The following RIT2 variants were observed in gnomAD, a reference collection of about 807,000 sequenced individuals.
RIT2 encodes the protein GTP-binding protein Rit2.
Under a neutral mutation model 23.7 loss-of-function variants are expected in RIT2, and 24 were observed. The ratio of observed to expected loss-of-function variants is 1.01; its 90% CI spans 0.73 to 1.43. The LOEUF is 1.43. Ranked by LOEUF, RIT2 falls within the 40% of genes most tolerant of loss-of-function variation. The probability of loss-of-function intolerance (pLI) is 0.00; values close to 1 mark genes in which losing one functional copy is unlikely to be tolerated. For synonymous variants in RIT2, 107 were observed against 91.1 expected (o/e 1.17, Z -0.99); for missense variants, 236 against 266.9 (o/e 0.88, Z 0.81).
intron 1 of RIT2, among the ~76,000 whole-genome samples, chr18:43,046,294 A>T (rs1168690075): frequency 6.6e-6 from 1 of 152,248 alleles, no homozygotes; most frequent in Admixed American, 6.5e-5. Context: ...ACAACATAAA[A>T]TTTGAAGGAT....
intron 2 of RIT2, among the ~76,000 whole-genome samples, chr18:42,987,582 T>G (rs1357208267): frequency 6.6e-6 from 1 of 152,228 alleles, no homozygotes; most frequent in African/African-American, 2.4e-5. Context: ...GAGTTACACA[T>G]GTGTGGGAAA....
chr18:42,790,082 A>G (rs1421769011), intron 4 of RIT2, among the ~76,000 whole-genome samples: 1 of 152,204 alleles, frequency 6.6e-6, no homozygotes, highest in Admixed American at 6.5e-5. Context: ...TGAGATGATC[A>G]TATCATTTTT....
chr18:42,810,049 TTA>T (rs1171427667), intron 4 of RIT2, among the ~76,000 whole-genome samples: 7 of 146,998 alleles, frequency 4.8e-5, no homozygotes, highest in Non-Finnish European at 9.0e-5. Flanking sequence ...GTTACATATG[TTA>T]TATATGTTAT....
intron 4 of RIT2, among the ~76,000 whole-genome samples, chr18:42,846,925 T>C (rs1295876588): frequency 1.3e-5 from 2 of 152,122 alleles, no homozygotes; most frequent in African/African-American, 4.8e-5. Flanking sequence ...TTAGAACACT[T>C]GGTATCTTGA....
At chr18:42,872,551 T>A (rs1023567133) in intron 4 of RIT2, among the ~76,000 whole-genome samples, 5 of 152,206 alleles carry the variant, frequency 3.3e-5, no homozygotes, top group African/African-American at 1.2e-4. Flanking sequence ...CAATCTGGTG[T>A]CTCAAAAGTC....
At chr18:42,923,479 A>G in intron 4 of RIT2, 93 bp downstream of exon 4, 1 of 1,041,480 alleles carries the variant, frequency 9.6e-7, no homozygotes, top group Admixed American at 2.3e-5. Context: ...TCTTTCTCAT[A>G]ATTTTCAGTG....
intron 4 of RIT2, among the ~76,000 whole-genome samples, chr18:42,870,580 A>G (rs1034716566): frequency 6.6e-6 from 1 of 152,158 alleles, no homozygotes; most frequent in South Asian, 2.1e-4. Context: ...CAACATTCTC[A>G]AAAGGTATGA....
intron 4 of RIT2, among the ~76,000 whole-genome samples, chr18:42,813,892 G>A (rs1905920367): frequency 6.6e-6 from 1 of 152,214 alleles, no homozygotes; most frequent in Non-Finnish European, 1.5e-5. Flanking sequence ...ACAATACTGT[G>A]AGTGCCCAAA....
chr18:42,874,610 T>C (rs1598694213), intron 4 of RIT2, among the ~76,000 whole-genome samples: 1 of 152,262 alleles, frequency 6.6e-6, no homozygotes, highest in South Asian at 2.1e-4. Context: ...TTCCCAGCTG[T>C]GCACTGTGAA....
At chr18:42,831,452 C>A (rs554787656) in intron 4 of RIT2, among the ~76,000 whole-genome samples, 1 of 152,002 alleles carries the variant, frequency 6.6e-6, no homozygotes, top group East Asian at 1.9e-4. Context: ...ATTATTATTA[C>A]GATTATTTTT....
Position 43,042,820 on chromosome 18 carries a change from A to G in RIT2, c.104-8953T>C, listed in dbSNP as rs370575058. Among the ~76,000 whole-genome samples, 175 of 152,334 alleles carry G rather than the reference A, an allele frequency of 1.1e-3. 4 individuals are homozygous for G. The South Asian group carries it at 0.036, about 31-fold the overall frequency. Reference sequence around the variant, plus strand: ...ACACATTTGCTTACACAGTAATAGTATGTTTAATGGTGACAACAGCAACAA... The same window carrying G: ...ACACATTTGCTTACACAGTAATAGTGTGTTTAATGGTGACAACAGCAACAA... On this transcript the variant is annotated intron_variant, in intron 1 of 4. Transcript: ENST00000326695.
At chr18:42,867,545 C>T (rs1015534011) in intron 4 of RIT2, among the ~76,000 whole-genome samples, 1 of 151,828 alleles carries the variant, frequency 6.6e-6, no homozygotes, top group African/African-American at 2.4e-5. Flanking sequence ...GTAATCCCAG[C>T]ACCACTGAGG....
intron 3 of RIT2, among the ~76,000 whole-genome samples, chr18:42,950,019 T>C (rs1568037825): frequency 6.6e-6 from 1 of 152,088 alleles, no homozygotes; most frequent in Admixed American, 6.6e-5. Flanking sequence ...AGATATAACA[T>C]ATTAAATCAT....
At chr18:42,946,769 C>A (rs1050057623) in intron 3 of RIT2, among the ~76,000 whole-genome samples, 1 of 151,936 alleles carries the variant, frequency 6.6e-6, no homozygotes, top group Non-Finnish European at 1.5e-5. Context: ...AAGTACTCTG[C>A]TATTTCAGCA....
intron 2 of RIT2, among the ~76,000 whole-genome samples, chr18:43,027,220 A>G (rs953047335): frequency 6.6e-6 from 1 of 152,124 alleles, no homozygotes; most frequent in African/African-American, 2.4e-5. Flanking sequence ...AGTATTAGAA[A>G]GGGAATTAGA....
At chr18:42,892,526 A>C (rs1265371772) in intron 4 of RIT2, among the ~76,000 whole-genome samples, 2 of 152,184 alleles carry the variant, frequency 1.3e-5, no homozygotes, top group African/African-American at 4.8e-5. Context: ...GCCCGTATTA[A>C]ATCTTATCTG....
At chr18:43,066,940 A>C (rs1376957505) in intron 1 of RIT2, among the ~76,000 whole-genome samples, 1 of 151,040 alleles carries the variant, frequency 6.6e-6, no homozygotes, top group African/African-American at 2.4e-5. Flanking sequence ...GATTGTAGTA[A>C]ATTGATGTTA....
chr18:42,951,173 A>ATTCAT (rs1909843344), intron 3 of RIT2, among the ~76,000 whole-genome samples: 1 of 152,088 alleles, frequency 6.6e-6, no homozygotes, highest in South Asian at 2.1e-4. Context: ...CAACCTAGGT[A>ATTCAT]CCCATCAATG....
chr18:43,055,896 C>T (rs960364589), intron 1 of RIT2, among the ~76,000 whole-genome samples: 10 of 151,984 alleles, frequency 6.6e-5, no homozygotes, highest in Non-Finnish European at 1.2e-4. Context: ...AAGACAGGTA[C>T]CTTGGTGTTG....
Sources: allele counts gnomAD v4.1 joint callset (sites outside exome capture counted in the v4.1 genomes callset), GRCh38; gene constraint gnomAD v4.1.1; transcripts MANE v1.5; gene names NCBI Gene and HGNC (gene_info 2026-07-23, HGNC 2026-07-21).